The following CDC25C variants were observed in gnomAD, a reference collection of about 807,000 sequenced individuals.
CDC25C encodes the protein M-phase inducer phosphatase 3.
CDC25C carries 48 observed loss-of-function variants against 52.5 expected under a neutral mutation model. The ratio of observed to expected loss-of-function variants is 0.91; its 90% CI spans 0.72 to 1.16. The LOEUF (loss-of-function observed/expected upper bound fraction) is 1.16. Ranked by LOEUF, CDC25C falls within the 50% of genes most tolerant of loss-of-function variation. The pLI is 0.00. For synonymous variants in CDC25C, 187 were observed against 206.5 expected (o/e 0.91, Z 0.81); for missense variants, 510 against 566.1 (o/e 0.90, Z 1.01).
chr5:138,328,914 CTTTT>C (rs1219539105), intron 3 of CDC25C: 1 of 171,712 alleles, frequency 5.8e-6, no homozygotes, highest in Non-Finnish European at 1.2e-5. Context: ...CAACATATTT[CTTTT>C]TTTTTGAGAT....
In CDC25C at chr5:138,331,124, G is replaced by A. The variant is rs1482087714; in HGVS notation, c.57C>T (p.Pro19=). The A allele has an allele frequency of 6.2e-7, 1 of 1,613,822 alleles. No individual in the cohort carries two copies. The highest frequency in any genetic ancestry group is 1.3e-5 in the African/African-American group (1 of 74,914). The change falls in exon 2 of 14, where the codon CCC becomes CCT. Residue 19 remains proline, a synonymous_variant. Coordinates refer to ENST00000323760, the MANE Select transcript of CDC25C (RefSeq NM_001790.5). ...TREEGSSGSG[P]SFRSNQRKML... ...TTTTCCTTTGATTAGACCTAAAACT[G>A]GGTCCTGAGCCAGAGCTTCCTTCCT...
chr5:138,336,158 A>C (rs1357925795), upstream of CDC25C, among the ~76,000 whole-genome samples: 3 of 147,228 alleles, frequency 2.0e-5, no homozygotes, highest in East Asian at 6.0e-4. Context: ...TTTGAGACAG[A>C]GTCTCATTCT....
At chr5:138,320,469 A>G (rs1285653776) in intron 6 of CDC25C, among the ~76,000 whole-genome samples, 1 of 152,154 alleles carries the variant, frequency 6.6e-6, no homozygotes, top group Non-Finnish European at 1.5e-5. Context: ...TACATACAAA[A>G]GAAATGAAAT....
intron 7 of CDC25C, among the ~76,000 whole-genome samples, chr5:138,305,553 C>T (rs949782638): frequency 3.3e-5 from 5 of 152,142 alleles, no homozygotes; most frequent in African/African-American, 1.2e-4. Flanking sequence ...AGGGGCACAC[C>T]ACCATGCCTG....
At chr5:138,313,224 A>C (rs1758585801) in intron 7 of CDC25C, among the ~76,000 whole-genome samples, 1 of 151,976 alleles carries the variant, frequency 6.6e-6, no homozygotes, top group Non-Finnish European at 1.5e-5. Flanking sequence ...AAAAATACAA[A>C]AAAAATTAGC....
intron 4 of CDC25C, among the ~76,000 whole-genome samples, chr5:138,327,369 A>C (rs1405489461): frequency 1.8e-5 from 2 of 112,770 alleles, no homozygotes; most frequent in Non-Finnish European, 3.3e-5. Context: ...TAATCCCAGG[A>C]CTTTGGGAGG....
intron 6 of CDC25C, 131 bp from the exon 7 acceptor site, chr5:138,319,505 C>A: frequency 1.6e-6 from 1 of 607,234 alleles, no homozygotes; most frequent in South Asian, 3.5e-5. Context: ...TTGGATAATG[C>A]CACCAAAAGC....
intron 4 of CDC25C, among the ~76,000 whole-genome samples, 192 bp from the exon 5 acceptor site, chr5:138,326,246 A>G (rs1384098356): frequency 6.6e-6 from 1 of 152,176 alleles, no homozygotes; most frequent in East Asian, 1.9e-4. Flanking sequence ...CATCCTGGGG[A>G]TAAGACCCTC....
chr5:138,302,489 C>A (rs1341857090), intron 7 of CDC25C, among the ~76,000 whole-genome samples: 1 of 151,190 alleles, frequency 6.6e-6, no homozygotes, highest in Admixed American at 6.6e-5. Flanking sequence ...CACCTAAGGT[C>A]GGGAGTTTGA....
intron 8 of CDC25C, 73 bp from the exon 9 acceptor site, chr5:138,290,813 G>A: frequency 1.1e-6 from 1 of 903,960 alleles, no homozygotes; most frequent in Non-Finnish European, 1.9e-6. Flanking sequence ...GATGGAGTGG[G>A]CCATGGTGGC....
intron 7 of CDC25C, among the ~76,000 whole-genome samples, chr5:138,307,033 G>A (rs1399267540): frequency 5.3e-5 from 8 of 149,948 alleles, no homozygotes; most frequent in Non-Finnish European, 1.0e-4. Context: ...TAGTAGAGAC[G>A]GGGTTTTGCC....
intron 2 of CDC25C, 79 bp downstream of exon 2, chr5:138,330,907 AT>A: frequency 5.9e-6 from 6 of 1,020,010 alleles, no homozygotes; most frequent in Non-Finnish European, 9.1e-6. Flanking sequence ...AGCCGGGATA[AT>A]TGAAAACAAA....
At position 138,286,476 on chromosome 5, in the gene CDC25C, A is replaced by G. The variant is rs748364070; in HGVS notation, c.1160+21T>C. ...TCAAAATCCATTTCCATCACCCGCC[A>G]GACCCCATTTAGACACTCACATTCG... On this transcript the variant is annotated intron_variant, in intron 12 of 13. Coordinates refer to ENST00000323760, the MANE Select transcript of CDC25C (RefSeq NM_001790.5). 11 of 1,601,752 alleles carry G rather than the reference A, an allele frequency of 6.9e-6. No homozygotes were observed. In the African/African-American group the frequency reaches 9.4e-5, roughly 14 times the overall value.
intron 7 of CDC25C, 67 bp from the exon 8 acceptor site, chr5:138,292,183 A>G (rs1247658653): frequency 7.7e-6 from 10 of 1,301,248 alleles, no homozygotes; most frequent in Non-Finnish European, 1.1e-5. Flanking sequence ...TGCAGCAACA[A>G]CATCTCCTGG....
chr5:138,290,766 A>T lies in CDC25C; in HGVS notation c.763-26T>A, dbSNP rs375386928. 5.2e-6 allele frequency: 7 copies of T among 1,354,626 alleles called. No homozygotes were observed. The African/African-American group carries it at 8.6e-5, about 17-fold the overall frequency. The allele number at this position is 1,354,626 out of a possible 1,614,324, so 83.9% of individuals were successfully genotyped here. On this transcript the variant is annotated intron_variant, in intron 8 of 13. Coordinates refer to ENST00000323760, the MANE Select transcript of CDC25C (RefSeq NM_001790.5). The stretch of plus-strand genomic sequence containing the variant: ...CTGAAGATGACAAGATTCCCACCCC[A>T]CACCCAATCCTCATGTTAAAGGTTT...
intron 7 of CDC25C, among the ~76,000 whole-genome samples, chr5:138,318,391 T>C (rs1357497061): frequency 1.3e-5 from 2 of 152,072 alleles, no homozygotes; most frequent in Admixed American, 6.6e-5. Flanking sequence ...GAGTGACTCA[T>C]ACATATCAGG....
intron 7 of CDC25C, among the ~76,000 whole-genome samples, chr5:138,307,197 G>C (rs947772016): frequency 1.3e-5 from 2 of 151,838 alleles, no homozygotes; most frequent in East Asian, 1.9e-4. Context: ...TTATAGGATG[G>C]GCCATCAATC....
At chr5:138,338,105 C>A (rs1156629275) in exon 1 of CDC25C, 3 of 1,289,860 alleles carry the variant, frequency 2.3e-6, no homozygotes, top group Non-Finnish European at 3.0e-6. Flanking sequence ...CCCAACAGCG[C>A]TGTCCGAGAG....
chr5:138,302,559 C>A (rs1425505811), intron 7 of CDC25C, among the ~76,000 whole-genome samples: 1 of 151,560 alleles, frequency 6.6e-6, no homozygotes, highest in Non-Finnish European at 1.5e-5. Context: ...ATTAGCAAGG[C>A]GTGGTGGCAC....
Sources: allele counts gnomAD v4.1 joint callset (sites outside exome capture counted in the v4.1 genomes callset), GRCh38; gene constraint gnomAD v4.1.1; transcripts MANE v1.5; gene names NCBI Gene and HGNC (gene_info 2026-07-23, HGNC 2026-07-21).